Variants in RAB6A observed in about 807,000 individuals in gnomAD.
The protein encoded by RAB6A is RAB6A, member RAS oncogene family.
A neutral mutation model predicts 32.3 loss-of-function variants in RAB6A; 8 were observed. That is an observed-to-expected ratio of 0.25 (90% CI 0.15 to 0.45). The LOEUF (loss-of-function observed/expected upper bound fraction) is 0.45, where lower values mean the gene tolerates loss of function less well. Ranked by LOEUF, RAB6A falls within the 20% of genes least tolerant of loss-of-function variation. The pLI is 1.00. For missense variants in RAB6A, 104 were observed against 249.4 expected (o/e 0.42, Z 3.93); for synonymous variants, 73 against 82.1 (o/e 0.89, Z 0.60).
At position 73,695,338 on chromosome 11, in the gene RAB6A, TA is replaced by T. The variant is rs555740505; in HGVS notation, c.495+12081del. 9.3e-3 allele frequency among the ~76,000 whole-genome samples: 1,396 copies of T among 150,210 alleles called. 15 individuals carry two copies. Among genetic ancestry groups the T allele is most frequent in the Middle Eastern group, 0.042 (12 of 286 alleles). On this transcript the variant is annotated intron_variant, in intron 6 of 7. Transcript: ENST00000336083. Reference sequence around the variant, plus strand: ...TGAGACTAGTACAGTTTGTAATACTTAAAAAAAAATCCTCATATTTACTAAG... The same window carrying T: ...TGAGACTAGTACAGTTTGTAATACTTAAAAAAAATCCTCATATTTACTAAG...
At chr11:73,713,368 A>G (rs890795542) in intron 5 of RAB6A, among the ~76,000 whole-genome samples, 8 of 152,204 alleles carry the variant, frequency 5.3e-5, no homozygotes, top group African/African-American at 1.9e-4. Context: ...CAGGAGATCA[A>G]GACCATCCTG....
intron 5 of RAB6A, among the ~76,000 whole-genome samples, chr11:73,709,519 C>G (rs543477948): frequency 2.2e-4 from 33 of 147,614 alleles, no homozygotes; most frequent in African/African-American, 7.9e-4. Context: ...TACTGATTTT[C>G]AAGTTTTCCT....
At chr11:73,715,231 G>A (rs1027291608) in intron 5 of RAB6A, among the ~76,000 whole-genome samples, 17 of 152,008 alleles carry the variant, frequency 1.1e-4, no homozygotes, top group African/African-American at 3.9e-4. Flanking sequence ...GGTTCAAGCA[G>A]TTCTCCTGCC....
rs73538638 is a variant in RAB6A at position 73,679,051 on chromosome 11, A to G, written c.562+603T>C. Among the ~76,000 whole-genome samples, 614 of 152,280 alleles carry G rather than the reference A, an allele frequency of 4.0e-3. 4 individuals carry two copies. The highest frequency in any genetic ancestry group is 0.014 in the African/African-American group (582 of 41,582). On this transcript the variant is annotated intron_variant, in intron 7 of 7. Coordinates refer to ENST00000336083, the MANE Select transcript of RAB6A (RefSeq NM_198896.2). Reference sequence around the variant, plus strand: ...TGTTTTATGTTTTTTATGAAAACATATAACATTTACAAGTGGGAAGAGCTG... The same window carrying G: ...TGTTTTATGTTTTTTATGAAAACATGTAACATTTACAAGTGGGAAGAGCTG...
rs568310824 is a variant in RAB6A at position 73,755,449 on chromosome 11, A to G, written c.70+5117T>C. On this transcript the variant is annotated intron_variant, in intron 1 of 7. Transcript: ENST00000336083. ...GCTGGGACTACAGGCACGCACCACCATGCCCGGCTAATTTTGTATTTTTAG... is the reference window on the plus strand; with the variant it reads ...GCTGGGACTACAGGCACGCACCACCGTGCCCGGCTAATTTTGTATTTTTAG... Among the ~76,000 whole-genome samples the G allele has an allele frequency of 2.0e-5, 3 of 151,672 alleles. No individual in the cohort carries two copies. The South Asian group carries it at 6.2e-4, about 31-fold the overall frequency.
Position 73,724,424 on chromosome 11 carries a change from T to C in RAB6A, c.130-3525A>G, listed in dbSNP as rs115082005. On this transcript the variant is annotated intron_variant, in intron 2 of 7. Coordinates refer to ENST00000336083, the MANE Select transcript of RAB6A (RefSeq NM_198896.2). ...GTGACTTACAAATTATGCAGCTAGG[T>C]AGTACTATAAAGGCCACAATCATTA... Among the ~76,000 whole-genome samples, 950 of 152,108 alleles carry C rather than the reference T, an allele frequency of 6.2e-3. 12 individuals are homozygous for C. Among genetic ancestry groups the C allele is most frequent in the African/African-American group, 0.022 (907 of 41,492 alleles).
chr11:73,753,158 G>C (rs1946693690), intron 1 of RAB6A, among the ~76,000 whole-genome samples: 1 of 152,154 alleles, frequency 6.6e-6, no homozygotes, highest in Admixed American at 6.5e-5. Flanking sequence ...GCTGAGGTGG[G>C]AGGATCACTT....
intron 1 of RAB6A, 152 bp from the exon 2 acceptor site, chr11:73,730,975 T>C (rs2134972445): frequency 6.8e-6 from 4 of 589,880 alleles, no homozygotes; most frequent in Non-Finnish European, 1.2e-5. Context: ...CCCAAGATTG[T>C]CAAAATGACT....
chr11:73,687,115 A>G (rs1402895153), intron 6 of RAB6A, among the ~76,000 whole-genome samples: 1 of 152,180 alleles, frequency 6.6e-6, no homozygotes, highest in Non-Finnish European at 1.5e-5. Flanking sequence ...CAAGTGAAAC[A>G]AGTCACACAC....
chr11:73,753,265 T>C (rs993999893), intron 1 of RAB6A, among the ~76,000 whole-genome samples: 3 of 152,028 alleles, frequency 2.0e-5, no homozygotes, highest in African/African-American at 7.2e-5. Context: ...CTGGCCAACA[T>C]GGCCACTCAC....
chr11:73,733,013 A>G (rs887435221), intron 1 of RAB6A, among the ~76,000 whole-genome samples: 3 of 151,904 alleles, frequency 2.0e-5, no homozygotes, highest in Non-Finnish European at 2.9e-5. Context: ...GGGTTTCACT[A>G]TGTTCGCCTG....
intron 1 of RAB6A, among the ~76,000 whole-genome samples, chr11:73,745,915 G>A (rs751383666): frequency 2.6e-5 from 4 of 151,878 alleles, no homozygotes; most frequent in Admixed American, 2.6e-4. Flanking sequence ...CACAAGAATC[G>A]CTTAAACCCT....
chr11:73,750,507 C>T (rs975068373), intron 1 of RAB6A, among the ~76,000 whole-genome samples: 1 of 152,114 alleles, frequency 6.6e-6, no homozygotes, highest in African/African-American at 2.4e-5. Flanking sequence ...AGGCATGTGC[C>T]ACCGCGCCCA....
At chr11:73,731,489 A>G (rs1946300039) in intron 1 of RAB6A, among the ~76,000 whole-genome samples, 1 of 147,252 alleles carries the variant, frequency 6.8e-6, no homozygotes, top group Admixed American at 6.8e-5. Flanking sequence ...GGTTGCAGTG[A>G]GCCGAGATCA....
chr11:73,678,155 G>T (rs1454709304), intron 7 of RAB6A, among the ~76,000 whole-genome samples, 193 bp from the exon 8 acceptor site: 1 of 152,158 alleles, frequency 6.6e-6, no homozygotes, highest in Non-Finnish European at 1.5e-5. Flanking sequence ...TATGCAACAA[G>T]GGTCAGAATG....
chr11:73,683,455 G>T (rs2134867056), intron 6 of RAB6A, among the ~76,000 whole-genome samples: 1 of 151,280 alleles, frequency 6.6e-6, no homozygotes, highest in African/African-American at 2.4e-5. Context: ...AAGAGGTTTT[G>T]CCATGTTACC....
intron 6 of RAB6A, among the ~76,000 whole-genome samples, chr11:73,694,797 T>C (rs949853203): frequency 6.6e-6 from 1 of 152,182 alleles, no homozygotes; most frequent in African/African-American, 2.4e-5. Context: ...GCAGATCACT[T>C]GAGGCCTGGA....
chr11:73,738,753 T>G (rs1565373671), intron 1 of RAB6A, among the ~76,000 whole-genome samples: 1 of 151,978 alleles, frequency 6.6e-6, no homozygotes, highest in Non-Finnish European at 1.5e-5. Flanking sequence ...GAGGCCAGCC[T>G]GGGCAACATG....
intron 1 of RAB6A, among the ~76,000 whole-genome samples, chr11:73,751,777 G>T (rs1399897185): frequency 6.6e-6 from 1 of 152,098 alleles, no homozygotes; most frequent in African/African-American, 2.4e-5. Flanking sequence ...TCACCTCCAA[G>T]AACACTGACA....
Sources: gnomAD v4.1 joint callset for allele counts (sites outside exome capture counted in the v4.1 genomes callset) on GRCh38, gnomAD v4.1.1 for gene constraint, MANE v1.5 for transcripts, NCBI Gene and HGNC (gene_info 2026-07-23, HGNC 2026-07-21) for gene names.